Variants in DOK6 observed in about 807,000 individuals in gnomAD.
DOK6 encodes docking protein 6.
DOK6 carries 22 observed loss-of-function variants against 44.0 expected under a neutral mutation model. The ratio of observed to expected loss-of-function variants is 0.50; its 90% confidence interval spans 0.36 to 0.71. DOK6 has a LOEUF of 0.71. Among genes scored for constraint, DOK6 ranks in the 30% least tolerant of loss-of-function variants. The pLI is 0.00. For synonymous variants in DOK6, 166 were observed against 145.5 expected (o/e 1.14, Z -1.01); for missense variants, 340 against 416.4 (o/e 0.82, Z 1.60).
chr18:69,627,139 CCT>C (rs983067620), intron 3 of DOK6, among the ~76,000 whole-genome samples: 1 of 152,088 alleles, frequency 6.6e-6, no homozygotes, highest in African/African-American at 2.4e-5. Context: ...TTTGTAGTAC[CCT>C]GTTTAATCCA....
intron 6 of DOK6, among the ~76,000 whole-genome samples, chr18:69,749,855 T>C (rs10871656): frequency 0.7 from 105,910 of 150,554 alleles, 39,209 homozygotes; most frequent in East Asian, 0.84. Flanking sequence ...GCAGGAGAAT[T>C]GCTTGAACCT....
chr18:69,488,949 G>A (rs904183520), intron 1 of DOK6, among the ~76,000 whole-genome samples: 1 of 152,178 alleles, frequency 6.6e-6, no homozygotes, highest in African/African-American at 2.4e-5. Flanking sequence ...CAGAGAAATA[G>A]GCTCAGGTTT....
Position 69,752,864 on chromosome 18 carries a change from A to G in DOK6, c.739-4892A>G, listed in dbSNP as rs377192271. 5.4e-4 allele frequency among the ~76,000 whole-genome samples: 82 copies of G among 152,276 alleles called. 1 individual carries two copies. Among genetic ancestry groups the G allele is most frequent in the African/African-American group, 1.9e-3 (78 of 41,564 alleles). On this transcript the variant is annotated intron_variant, in intron 6 of 7. Transcript: ENST00000382713. The stretch of plus-strand genomic sequence containing the variant: ...GAGCAGCCAGGGTGGATGGTGCTGC[A>G]TATTACCACAGCCAAGGGATCTGAG...
At chr18:69,778,803 AG>A (rs1980162188) in intron 7 of DOK6, among the ~76,000 whole-genome samples, 1 of 152,176 alleles carries the variant, frequency 6.6e-6, no homozygotes, top group African/African-American at 2.4e-5. Flanking sequence ...CTGAAGAGAT[AG>A]CCTAAAGGAT....
intron 6 of DOK6, among the ~76,000 whole-genome samples, chr18:69,745,001 G>A (rs991161316): frequency 1.5e-4 from 23 of 150,212 alleles, no homozygotes; most frequent in African/African-American, 1.2e-4. Context: ...GTAAGGACAC[G>A]AAGGAGGTAG....
At chr18:69,668,947 A>G (rs185313158) in intron 3 of DOK6, among the ~76,000 whole-genome samples, 17 of 152,298 alleles carry the variant, frequency 1.1e-4, no homozygotes, top group African/African-American at 3.6e-4. Context: ...AATAAGGCCC[A>G]GGAAGTATGG....
chr18:69,484,518 T>G (rs769237319), intron 1 of DOK6, among the ~76,000 whole-genome samples: 5 of 152,044 alleles, frequency 3.3e-5, no homozygotes, highest in Non-Finnish European at 5.9e-5. Flanking sequence ...TCTAGAAGGG[T>G]TTTAAGCTTT....
At chr18:69,786,689 T>C (rs1790595) in intron 7 of DOK6, among the ~76,000 whole-genome samples, 62,481 of 152,114 alleles carry the variant, frequency 0.41, 14,616 homozygotes, top group East Asian at 0.58. Context: ...CTTGCAACAG[T>C]TGCAAAAGGC....
chr18:69,581,463 C>A (rs1263952057), intron 2 of DOK6, among the ~76,000 whole-genome samples: 1 of 152,162 alleles, frequency 6.6e-6, no homozygotes, highest in South Asian at 2.1e-4. Flanking sequence ...TGTGATCTAA[C>A]TCTAGTAGCT....
intron 7 of DOK6, among the ~76,000 whole-genome samples, chr18:69,759,688 G>T (rs1183600350): frequency 2.0e-5 from 3 of 152,194 alleles, no homozygotes; most frequent in Non-Finnish European, 4.4e-5. Context: ...CATTGCCAGA[G>T]ACTTCTTGAA....
At chr18:69,570,181 CT>C (rs1415889688) in intron 2 of DOK6, among the ~76,000 whole-genome samples, 1 of 152,046 alleles carries the variant, frequency 6.6e-6, no homozygotes, top group Non-Finnish European at 1.5e-5. Context: ...ACATACACCC[CT>C]AGCCTAAAAT....
chr18:69,538,521 A>G (rs981950699), intron 1 of DOK6, among the ~76,000 whole-genome samples: 3 of 152,028 alleles, frequency 2.0e-5, no homozygotes, highest in Non-Finnish European at 2.9e-5. Flanking sequence ...AGCTGGGACT[A>G]CAGGCATCCA....
intron 7 of DOK6, among the ~76,000 whole-genome samples, chr18:69,796,218 C>G (rs1456633975): frequency 6.6e-6 from 1 of 152,086 alleles, no homozygotes; most frequent in Non-Finnish European, 1.5e-5. Context: ...AACTCACAAA[C>G]GAGGCTGACT....
chr18:69,688,979 G>T (rs749152000), intron 4 of DOK6, among the ~76,000 whole-genome samples: 89 of 152,028 alleles, frequency 5.9e-4, no homozygotes, highest in Non-Finnish European at 9.6e-4. Context: ...TATATAAAAC[G>T]CTGGAAACAC....
chr18:69,441,113 G>C (rs557221611), intron 1 of DOK6, among the ~76,000 whole-genome samples: 1 of 152,110 alleles, frequency 6.6e-6, no homozygotes, highest in South Asian at 2.1e-4. Flanking sequence ...GTATGGTTTT[G>C]TATTCAGATT....
chr18:69,793,417 T>C (rs1042456542), intron 7 of DOK6, among the ~76,000 whole-genome samples: 14 of 152,160 alleles, frequency 9.2e-5, no homozygotes, highest in African/African-American at 2.7e-4. Context: ...ATCAAGGTGT[T>C]GACAGAAAGG....
chr18:69,758,985 T>C (rs1042896469), intron 7 of DOK6, among the ~76,000 whole-genome samples: 1 of 152,214 alleles, frequency 6.6e-6, no homozygotes, highest in South Asian at 2.1e-4. Context: ...GTTAAAGATA[T>C]GTTCTACAAG....
chr18:69,530,780 CT>C (rs1981963044), intron 1 of DOK6, among the ~76,000 whole-genome samples: 1 of 152,128 alleles, frequency 6.6e-6, no homozygotes, highest in African/African-American at 2.4e-5. Flanking sequence ...TCTATTAGGT[CT>C]GCTTGGTGCA....
intron 3 of DOK6, among the ~76,000 whole-genome samples, chr18:69,606,757 A>ATTTTTTT (rs71176989): frequency 1.7e-5 from 2 of 115,162 alleles, no homozygotes; most frequent in African/African-American, 3.4e-5. Context: ...TTCAAAAAGG[A>ATTTTTTT]TTTTTTTTTT....
Sources: allele counts gnomAD v4.1 joint callset (sites outside exome capture counted in the v4.1 genomes callset), GRCh38; gene constraint gnomAD v4.1.1; transcripts MANE v1.5; gene names NCBI Gene and HGNC (gene_info 2026-07-23, HGNC 2026-07-21).